The following ANKRD30BL variants were observed in gnomAD, a reference collection of about 807,000 sequenced individuals.
ANKRD30BL encodes ankyrin repeat domain 30B like, also known as putative ankyrin repeat domain-containing protein 30B-like.
A neutral mutation model predicts 18.4 loss-of-function variants in ANKRD30BL; 20 were observed. The observed-to-expected ratio is 1.09, with a 90% CI of 0.77 to 1.58. The LOEUF (loss-of-function observed/expected upper bound fraction) is 1.58, where lower values mean the gene tolerates loss of function less well. Among genes scored for constraint, ANKRD30BL ranks in the 40% most tolerant of loss-of-function variants. ANKRD30BL has a pLI of 0.00. For synonymous variants in ANKRD30BL, 72 were observed against 100.9 expected (o/e 0.71, Z 1.72); for missense variants, 224 against 268.6 (o/e 0.83, Z 1.16).
intron 1 of ANKRD30BL, among the ~76,000 whole-genome samples, chr2:132,221,330 GC>G (rs1484309636): frequency 1.4e-5 from 2 of 145,588 alleles, no homozygotes; most frequent in African/African-American, 2.6e-5. Context: ...GGGGGGGTCA[GC>G]CCCCCGCCCG....
chr2:132,256,700 G>A (rs1573904460), intron 1 of ANKRD30BL, among the ~76,000 whole-genome samples: 1 of 152,216 alleles, frequency 6.6e-6, no homozygotes, highest in African/African-American at 2.4e-5. Flanking sequence ...CAAACCCTCC[G>A]GGTGTCCACC....
At chr2:132,157,583 T>C (rs1026345431) in intron 1 of ANKRD30BL, among the ~76,000 whole-genome samples, 160 bp from the exon 2 acceptor site, 1 of 152,244 alleles carries the variant, frequency 6.6e-6, no homozygotes, top group Non-Finnish European at 1.5e-5. Context: ...TTCACTGTTA[T>C]TACTCACTAC....
At chr2:132,233,276 A>G (rs1338662751) in intron 1 of ANKRD30BL, among the ~76,000 whole-genome samples, 1 of 151,740 alleles carries the variant, frequency 6.6e-6, no homozygotes, top group African/African-American at 2.4e-5. Flanking sequence ...AACTGCATCA[A>G]CTAATGAGCA....
At chr2:132,244,846 G>A (rs1383628730) in intron 1 of ANKRD30BL, among the ~76,000 whole-genome samples, 2 of 152,266 alleles carry the variant, frequency 1.3e-5, no homozygotes, top group South Asian at 4.1e-4. Context: ...CCCTTTCCTA[G>A]AGCAGTTTTG....
At chr2:132,227,888 G>T (rs201170440) in intron 1 of ANKRD30BL, among the ~76,000 whole-genome samples, 2 of 151,948 alleles carry the variant, frequency 1.3e-5, no homozygotes, top group Admixed American at 1.3e-4. Flanking sequence ...CATTTGAAGC[G>T]CTTTGCAGCC....
intron 1 of ANKRD30BL, among the ~76,000 whole-genome samples, chr2:132,220,280 GCCTCTCCCTCTC>G (rs1204940944): frequency 6.9e-6 from 1 of 145,478 alleles, no homozygotes; most frequent in African/African-American, 2.6e-5. Context: ...ACTGTTTTTG[GCCTCTCCCTCTC>G]CCTCTCCCTG....
At chr2:132,150,459 G>A (rs1396321931) in intron 5 of ANKRD30BL, among the ~76,000 whole-genome samples, 1 of 150,768 alleles carries the variant, frequency 6.6e-6, no homozygotes, top group Non-Finnish European at 1.5e-5. Context: ...TTTATAATTT[G>A]TAATAAAATT....
intron 1 of ANKRD30BL, among the ~76,000 whole-genome samples, chr2:132,256,478 G>C (rs1573904079): frequency 6.6e-6 from 1 of 152,352 alleles, no homozygotes; most frequent in East Asian, 1.9e-4. Context: ...ATGCGCGGAG[G>C]GCGCGGGGCG....
In ANKRD30BL at chr2:132,228,021, C is replaced by T. The variant is rs184054889; in HGVS notation, n.441+29508G>A. 6.3e-3 allele frequency among the ~76,000 whole-genome samples: 961 copies of T among 152,216 alleles called. 9 individuals are homozygous for T. Among genetic ancestry groups the T allele is most frequent in the African/African-American group, 0.022 (901 of 41,558 alleles). ...TACTTTTGATTGAGCAGTTTTGAAA[C>T]TGTCTTTTTGTTGAATGGGGAAGTG... On this transcript the variant is annotated intron_variant and non_coding_transcript_variant, in intron 1 of 4. Transcript: ENST00000470729.
At chr2:132,155,725 C>T (rs1186304318) in intron 3 of ANKRD30BL, 1 of 151,844 alleles carries the variant, frequency 6.6e-6, no homozygotes, top group Admixed American at 6.6e-5. Flanking sequence ...TGGTGAAACC[C>T]CATCTCTGCT....
chr2:132,189,984 A>T (rs966751860), intron 1 of ANKRD30BL, among the ~76,000 whole-genome samples: 1 of 151,944 alleles, frequency 6.6e-6, no homozygotes, highest in Non-Finnish European at 1.5e-5. Context: ...TGATAACATA[A>T]AATAGTGGAC....
intron 1 of ANKRD30BL, among the ~76,000 whole-genome samples, chr2:132,220,822 C>A (rs1424429563): frequency 6.6e-6 from 1 of 151,528 alleles, no homozygotes; most frequent in Non-Finnish European, 1.5e-5. Flanking sequence ...TGCCTGGCCG[C>A]CCATCGTCTG....
At chr2:132,166,693 T>C (rs2104938021), upstream of ANKRD30BL, among the ~76,000 whole-genome samples, 1 of 152,214 alleles carries the variant, frequency 6.6e-6, no homozygotes, top group Non-Finnish European at 1.5e-5. Context: ...CATTCTCTCT[T>C]TTTTTCTTTA....
chr2:132,153,523 A>G (rs535636159), intron 4 of ANKRD30BL: 14 of 494,766 alleles, frequency 2.8e-5, no homozygotes, highest in Admixed American at 2.5e-4. Flanking sequence ...ACAAACTATA[A>G]AATCTCACCT....
intron 1 of ANKRD30BL, among the ~76,000 whole-genome samples, chr2:132,176,458 G>T (rs943707249): frequency 1.3e-5 from 2 of 152,010 alleles, no homozygotes; most frequent in Non-Finnish European, 1.5e-5. Context: ...AACCTGGGAG[G>T]TGGGTAGCCG....
At chr2:132,188,833 A>G (rs976969490) in intron 1 of ANKRD30BL, among the ~76,000 whole-genome samples, 8 of 152,236 alleles carry the variant, frequency 5.3e-5, no homozygotes, top group Non-Finnish European at 7.3e-5. Flanking sequence ...GGCATTATAC[A>G]TAAAAGAAAA....
chr2:132,196,781 T>G (rs1678977182), intron 1 of ANKRD30BL, among the ~76,000 whole-genome samples: 1 of 150,708 alleles, frequency 6.6e-6, no homozygotes, highest in African/African-American at 2.4e-5. Context: ...CACTTCAGCC[T>G]GGGTGACAGA....
At chr2:132,167,274 AT>A (rs970703167) in intron 1 of ANKRD30BL, among the ~76,000 whole-genome samples, 2 of 135,884 alleles carry the variant, frequency 1.5e-5, no homozygotes, top group Non-Finnish European at 3.1e-5. Context: ...ACATTCATTT[AT>A]TTTTATTTTA....
At chr2:132,160,840 G>A (rs1159186934) in intron 1 of ANKRD30BL, among the ~76,000 whole-genome samples, 3 of 151,624 alleles carry the variant, frequency 2.0e-5, no homozygotes, top group African/African-American at 7.3e-5. Context: ...GACAGCGTGT[G>A]TAATTTTAAA....
Sources: allele counts gnomAD v4.1 joint callset (sites outside exome capture counted in the v4.1 genomes callset), GRCh38; gene constraint gnomAD v4.1.1; transcripts MANE v1.5; gene names NCBI Gene and HGNC (gene_info 2026-07-23, HGNC 2026-07-21).